LZTR1: variants seen among roughly 807,000 people sequenced by gnomAD.
LZTR1 encodes leucine zipper like post translational regulator 1, also known as leucine-zipper-like transcriptional regulator 1.
In LZTR1, 260 loss-of-function variants were observed where a neutral mutation model predicts 105.7. That is an observed-to-expected ratio of 2.46 (90% confidence interval 2.22 to 2.72). LZTR1 has a LOEUF of 2.72. Among genes scored for constraint, LZTR1 ranks in the 30% most tolerant of loss-of-function variants. The pLI, the probability that LZTR1 is intolerant of heterozygous loss-of-function variation, is 0.00. For synonymous variants in LZTR1, 490 were observed against 476.4 expected, an observed-to-expected ratio of 1.03 and a Z score of -0.37; for missense variants, 1,214 against 1,166.9, an observed-to-expected ratio of 1.04 and a Z score of -0.59.
intron 2 of LZTR1, among the ~76,000 whole-genome samples, chr22:20,984,619 G>C (rs1190966365): frequency 6.7e-6 from 1 of 149,680 alleles, no homozygotes; most frequent in African/African-American, 2.5e-5. Flanking sequence ...AAGGAGGGGG[G>C]GGGGGCGGTA....
intron 16 of LZTR1, 87 bp from the exon 17 acceptor site, chr22:20,995,659 A>G: frequency 6.6e-7 from 1 of 1,522,234 alleles, no homozygotes; most frequent in South Asian, 1.2e-5. Context: ...GGGCAGCAAC[A>G]TGGGCAGATA....
rs756575069 is a variant in LZTR1, at chr22:20,990,551, A to G, written c.791+26A>G. The G allele has an allele frequency of 3.0e-5, 47 of 1,587,568 alleles. No homozygotes were observed. In the African/African-American group the frequency reaches 5.5e-4, roughly 19 times the overall value. ...GTGAGTACTCTGGCCAGTGGGGTGG[A>G]GGGAGGACGGTCAGTTCCCTCGAAT... On this transcript the variant is annotated intron_variant, in intron 8 of 20. Transcript: ENST00000646124.
At chr22:20,988,156 T>A in intron 5 of LZTR1, 38 bp downstream of exon 5, 1 of 1,393,354 alleles carries the variant, frequency 7.2e-7, no homozygotes, top group South Asian at 1.2e-5. Flanking sequence ...ACAGGCTGGG[T>A]CCTGGGTGGC....
rs1322349746 is a variant in LZTR1, at chr22:20,997,996, T to G, written c.*648T>G. ...CCTGGTTTTCACAGGGGCTGAAGGA[T>G]CCCAGTCCACCTGTGTGCATGTCAG... is the stretch of plus-strand genomic sequence containing the variant. On this transcript the variant is annotated 3_prime_UTR_variant, in exon 21 of 21. Transcript: ENST00000646124. 6.6e-6 allele frequency: 1 copy of G among 152,246 alleles called. No individual in the cohort carries two copies. Among genetic ancestry groups the G allele is most frequent in the Non-Finnish European group, 1.5e-5 (1 of 68,124 alleles). The allele number at this position is 152,246 out of a possible 1,614,324, so 9.4% of individuals were successfully genotyped here.
rs768770438 is a variant in LZTR1, at chr22:20,995,744, A to G, written c.1943-2A>G. 6.2e-7 allele frequency: 1 copy of G among 1,613,502 alleles called. No individual in the cohort carries two copies. The highest frequency in any genetic ancestry group is 8.5e-7 in the Non-Finnish European group (1 of 1,179,990). ...CCTGCTCAGGGACCCTCCTACCCCC[A>G]GGCACATCTCTGATCCAGGACATGA... On this transcript the variant is annotated splice_acceptor_variant, in intron 16 of 20. Transcript: ENST00000646124. LOFTEE classifies it high-confidence loss of function.
chr22:20,994,632 C>T lies in LZTR1; in HGVS notation c.1690C>T (p.Gln564Ter). ...GAGCTTCCAGTTGTGCCGCCTGGAG[C>T]AGCTGTGCCGCCAGTACATCGAGGC... ...ALSFQLCRLE[Q>*]LCRQYIEASV... The change falls in exon 15 of 21, where the codon CAG becomes TAG. Residue 564 changes from glutamine (Q) to a stop codon, truncating the protein, a stop_gained. Transcript: ENST00000646124. LOFTEE classifies it high-confidence loss of function. 1 of 1,612,702 alleles carries T rather than the reference C, an allele frequency of 6.2e-7. No individual in the cohort carries two copies. Among genetic ancestry groups the T allele is most frequent in the Non-Finnish European group, 8.5e-7 (1 of 1,179,800 alleles).
Position 20,982,379 on chromosome 22 carries a change from GA to G in LZTR1, c.9del (p.Pro4ArgfsTer21). On this transcript the variant is annotated frameshift_variant, in exon 1 of 21. Coordinates refer to ENST00000646124, the MANE Select transcript of LZTR1 (RefSeq NM_006767.4). LOFTEE classifies it high-confidence loss of function. MA[G>X]PGSTGGQIGA... ...ATCCGGCGTGGACCCGGGATGGCTG[GA>G]CCGGGCAGCACGGGGGGGCAGATCG... is the stretch of plus-strand genomic sequence containing the variant. The G allele has an allele frequency of 6.4e-7, 1 of 1,553,560 alleles. No homozygotes were observed. Among genetic ancestry groups the G allele is most frequent in the Non-Finnish European group, 8.7e-7 (1 of 1,148,244 alleles).
chr22:20,991,636 G>T lies in LZTR1; in HGVS notation c.800G>T (p.Arg267Leu). Reference sequence around the variant, plus strand: ...CTGTTGTGTACCCCCAGGTGGACACGCATCCCAACTGAACACCTGCTCCGG... The same window carrying T: ...CTGTTGTGTACCCCCAGGTGGACACTCATCCCAACTGAACACCTGCTCCGG... ...QFEFKDKTWT[R>L]IPTEHLLRGS... Residue 267 changes from arginine (R) to leucine (L), a missense_variant, in exon 9 of 21, where the codon CGC becomes CTC. Transcript: ENST00000646124. 1 of 1,591,242 alleles carries T rather than the reference G, an allele frequency of 6.3e-7. No individual in the cohort carries two copies.
intron 4 of LZTR1, 87 bp from the exon 5 acceptor site, chr22:20,987,923 G>A (rs1277613557): frequency 3.7e-6 from 3 of 813,040 alleles, no homozygotes; most frequent in African/African-American, 3.4e-5. Context: ...GCATTTTCAG[G>A]GGGGCCAGAT....
At position 20,993,947 on chromosome 22, in the gene LZTR1, C is replaced by T. The variant is rs752985853; in HGVS notation, c.1377C>T (p.His459=). ...LGEKEECVQG[H]VAIVTARSRW... is the part of the protein sequence containing the mutation. ...AGAAGGAGGAGTGCGTGCAGGGCCA[C>T]GTAGCCATTGTCACAGCGCGGAGCC... Residue 459 remains histidine (H), a synonymous_variant, in exon 13 of 21, where the codon CAC becomes CAT. Coordinates refer to ENST00000646124, the MANE Select transcript of LZTR1 (RefSeq NM_006767.4). 74 of 1,612,464 alleles carry T rather than the reference C, an allele frequency of 4.6e-5. No individual in the cohort carries two copies. Among genetic ancestry groups the T allele is most frequent in the Admixed American group, 4.2e-4 (25 of 59,960 alleles).
At position 20,993,386 on chromosome 22, in the gene LZTR1, C is replaced by T. The variant is rs965333456; in HGVS notation, c.1261-276C>T. 9 of 555,010 alleles carry T rather than the reference C, an allele frequency of 1.6e-5. No individual in the cohort carries two copies. The Admixed American group carries it at 1.8e-4, about 11-fold the overall frequency. 34.4% of individuals were successfully genotyped at this position (555,010 alleles called of 1,614,324 possible). A position where few individuals can be genotyped will look rare whatever the true frequency, so the allele number is the denominator to read the frequency against. ...CAGGCAGAGTGGAGACGGCAGAGCT[C>T]TGCTGAGGCCTGGGGCCCAGCCGAA... On this transcript the variant is annotated intron_variant, in intron 11 of 20. Coordinates refer to ENST00000646124, the MANE Select transcript of LZTR1 (RefSeq NM_006767.4).
At chr22:20,989,316 G>A (rs1375512262) in intron 6 of LZTR1, among the ~76,000 whole-genome samples, 1 of 152,248 alleles carries the variant, frequency 6.6e-6, no homozygotes, top group Non-Finnish European at 1.5e-5. Flanking sequence ...TGCAGTGATG[G>A]TGGCATCTGG....
Position 20,985,726 on chromosome 22 carries a change from G to C in LZTR1, c.264-115G>C, listed in dbSNP as rs1362136385. Reference sequence around the variant, plus strand: ...ATCAGCTGGTTGCCTGGCTGTGTTAGTGACCCAGCCCACAACAGCCCCCTA... The same window carrying C: ...ATCAGCTGGTTGCCTGGCTGTGTTACTGACCCAGCCCACAACAGCCCCCTA... On this transcript the variant is annotated intron_variant, in intron 2 of 20. Coordinates refer to ENST00000646124, the MANE Select transcript of LZTR1 (RefSeq NM_006767.4). 8.8e-6 allele frequency: 8 copies of C among 911,246 alleles called. No individual in the cohort carries two copies. In the African/African-American group the frequency reaches 1.3e-4, roughly 15 times the overall value. 56.4% of individuals were successfully genotyped at this position (911,246 alleles called of 1,614,324 possible). A position where few individuals can be genotyped will look rare whatever the true frequency, so the allele number is the denominator to read the frequency against.
intron 1 of LZTR1, 48 bp from the exon 2 acceptor site, chr22:20,982,979 C>T: frequency 1.3e-6 from 2 of 1,543,920 alleles, no homozygotes; most frequent in Non-Finnish European, 1.8e-6. Flanking sequence ...CCTTGGGTGC[C>T]CCCCAGGAGG....
chr22:20,991,975 T>C, intron 9 of LZTR1, 146 bp downstream of exon 9: 4 of 838,112 alleles, frequency 4.8e-6, no homozygotes, highest in Non-Finnish European at 7.3e-6. Flanking sequence ...GCCTCAGCCC[T>C]GGACACCTGC....
rs1365682214 is a variant in LZTR1, at chr22:20,998,790, A to AGCCATGTGG, written c.*1447_*1455dup. On this transcript the variant is annotated 3_prime_UTR_variant, in exon 21 of 21. Coordinates refer to ENST00000646124, the MANE Select transcript of LZTR1 (RefSeq NM_006767.4). ...AAGTGGAGTGCAGGCTGCAGCGCCC[A>AGCCATGTGG]GCCATGTGGGCCAGGTGCATTCACT... is the stretch of plus-strand genomic sequence containing the variant. The AGCCATGTGG allele has an allele frequency of 7.4e-6, 1 of 135,968 alleles. No individual in the cohort carries two copies. The highest frequency in any genetic ancestry group is 1.7e-5 in the Non-Finnish European group (1 of 59,582). The allele number at this position is 135,968 out of a possible 1,614,324, so 8.4% of individuals were successfully genotyped here. A position where few individuals can be genotyped will look rare whatever the true frequency, so the allele number is the denominator to read the frequency against.
In LZTR1 at chr22:20,995,251, C is replaced by G. The variant is rs1276160645; in HGVS notation, c.1942+225C>G. On this transcript the variant is annotated intron_variant, in intron 16 of 20. Coordinates refer to ENST00000646124, the MANE Select transcript of LZTR1 (RefSeq NM_006767.4). ...CTGTGTCCTGGTGACCTGGGATTTC[C>G]TGAGCCAATTTCTGGGGGTGGACAT... is the stretch of plus-strand genomic sequence containing the variant. 3 of 698,036 alleles carry G rather than the reference C, an allele frequency of 4.3e-6. No individual in the cohort carries two copies. The East Asian group carries it at 8.3e-5, about 19-fold the overall frequency. The allele number at this position is 698,036 out of a possible 1,614,324, so 43.2% of individuals were successfully genotyped here. A position where few individuals can be genotyped will look rare whatever the true frequency, so the allele number is the denominator to read the frequency against.
intron 4 of LZTR1, 26 bp downstream of exon 4, chr22:20,987,609 G>T (rs1569154541): frequency 2.5e-6 from 4 of 1,607,016 alleles, no homozygotes; most frequent in Non-Finnish European, 3.4e-6. Flanking sequence ...CCTCCCAGGG[G>T]CTGTGTCGCC....
At chr22:20,987,271 G>A in intron 3 of LZTR1, 2 of 461,960 alleles carry the variant, frequency 4.3e-6, no homozygotes, top group Non-Finnish European at 7.7e-6. Flanking sequence ...GTGGGTGCCT[G>A]TAATCCCAGC....
Sources: allele counts gnomAD v4.1 joint callset (sites outside exome capture counted in the v4.1 genomes callset), GRCh38; gene constraint gnomAD v4.1.1; transcripts MANE v1.5; gene names NCBI Gene and HGNC (gene_info 2026-07-23, HGNC 2026-07-21).